The following ACER2 variants were observed in gnomAD, a reference collection of about 807,000 sequenced individuals.
The protein encoded by ACER2 is alkCDase 2.
ACER2 carries 26 observed loss-of-function variants against 34.7 expected under a neutral mutation model. That is an observed-to-expected ratio of 0.75 (90% CI 0.55 to 1.04). ACER2 has a LOEUF of 1.04. ACER2 is among the 50% of genes least tolerant of loss of function. The pLI, the probability that ACER2 is intolerant of heterozygous loss-of-function variation, is 0.00. For missense variants in ACER2, 352 were observed against 340.8 expected, an observed-to-expected ratio of 1.03 and a Z score of -0.26; for synonymous variants, 138 against 132.1, an observed-to-expected ratio of 1.04 and a Z score of -0.31.
chr9:19,451,752 G>A lies in ACER2; in HGVS notation c.*1116G>A, dbSNP rs1469748070. The A allele has an allele frequency of 1.3e-5, 2 of 152,104 alleles. No homozygotes were observed. Among genetic ancestry groups the A allele is most frequent in the African/African-American group, 4.8e-5 (2 of 41,396 alleles). 9.4% of individuals were successfully genotyped at this position (152,104 alleles called of 1,614,324 possible). A position where few individuals can be genotyped will look rare whatever the true frequency, so the allele number is the denominator to read the frequency against. ...TCCTCACAATTGTGGTGGGGGTTCTGGTTCAAAATTTGGAGCAAACATGAA... is the reference window on the plus strand; with the variant it reads ...TCCTCACAATTGTGGTGGGGGTTCTAGTTCAAAATTTGGAGCAAACATGAA... On this transcript the variant is annotated 3_prime_UTR_variant, in exon 6 of 6. Transcript: ENST00000340967.
At chr9:19,433,243 G>C (rs995925562) in intron 3 of ACER2, among the ~76,000 whole-genome samples, 2 of 147,266 alleles carry the variant, frequency 1.4e-5, no homozygotes, top group African/African-American at 5.0e-5. Context: ...TGGAGGGAAG[G>C]TCAGCAGATA....
At position 19,449,982 on chromosome 9, in the gene ACER2, A is replaced by T. The variant is rs1003230123; in HGVS notation, c.642-468A>T. The stretch of plus-strand genomic sequence containing the variant: ...TAAATTTAAAACTTTGTACAGGTAC[A>T]GTGAGGATAAATTTTTTAAAATTTC... On this transcript the variant is annotated intron_variant, in intron 5 of 5. Transcript: ENST00000340967. Among the ~76,000 whole-genome samples, 8 of 152,176 alleles carry T rather than the reference A, an allele frequency of 5.3e-5. No individual in the cohort carries two copies. In the East Asian group the frequency reaches 1.5e-3, roughly 29 times the overall value.
In ACER2 at chr9:19,450,517, G is replaced by C. The variant is rs767883587; in HGVS notation, c.709G>C (p.Glu237Gln). 25 of 1,612,386 alleles carry C rather than the reference G, an allele frequency of 1.6e-5. 1 individual carries two copies. The South Asian group carries it at 2.0e-4, about 13-fold the overall frequency. Residue 237 changes from glutamate (E) to glutamine (Q), a missense_variant, in exon 6 of 6, where the codon GAG becomes CAG. Glu to Gln is a conservative substitution (Grantham distance 29, BLOSUM62 2). Transcript: ENST00000340967. ...VCFAYFDAASEIPEQGPVIKF... is the reference protein window; with the variant it reads ...VCFAYFDAASQIPEQGPVIKF... ...CTTTGCCTACTTTGATGCTGCCTCA[G>C]AGATTCCTGAGCAAGGCCCTGTCAT...
Position 19,450,671 on chromosome 9 carries a change from C to G in ACER2, c.*35C>G. ...GGTGGCTGGCTTCTCTGCTTATCGCCCCTCATGCAGTGGGCTTCCTTTGCT... is the reference window on the plus strand; with the variant it reads ...GGTGGCTGGCTTCTCTGCTTATCGCGCCTCATGCAGTGGGCTTCCTTTGCT... On this transcript the variant is annotated 3_prime_UTR_variant, in exon 6 of 6. Transcript: ENST00000340967. 6.6e-7 allele frequency: 1 copy of G among 1,510,248 alleles called. No individual in the cohort carries two copies. Among genetic ancestry groups the G allele is most frequent in the Non-Finnish European group, 9.0e-7 (1 of 1,110,548 alleles). The allele number at this position is 1,510,248 out of a possible 1,614,324, so 93.6% of individuals were successfully genotyped here.
intron 1 of ACER2, among the ~76,000 whole-genome samples, chr9:19,416,752 C>G (rs1245106546): frequency 2.0e-5 from 3 of 151,732 alleles, no homozygotes; most frequent in Non-Finnish European, 4.4e-5. Flanking sequence ...AGGCTGGTCT[C>G]AAACTCCTGA....
intron 2 of ACER2, 49 bp downstream of exon 2, chr9:19,424,025 G>C (rs750587260): frequency 7.2e-7 from 1 of 1,388,000 alleles, no homozygotes. Flanking sequence ...GGTGGGATGG[G>C]GGTAGAAGGA....
rs181099102 is a variant in ACER2, at chr9:19,450,894, T to A, written c.*258T>A. 2.3e-3 allele frequency: 698 copies of A among 304,138 alleles called. 6 individuals carry two copies. Among genetic ancestry groups the A allele is most frequent in the African/African-American group, 0.014 (634 of 46,724 alleles). 18.8% of individuals were successfully genotyped at this position (304,138 alleles called of 1,614,324 possible). On this transcript the variant is annotated 3_prime_UTR_variant, in exon 6 of 6. Coordinates refer to ENST00000340967, the MANE Select transcript of ACER2 (RefSeq NM_001010887.3). ...TTAATATTTTTGTGCCATACTGGTT[T>A]TAAACTTTCATGTTGTCACATCTGT...
At chr9:19,421,572 T>G (rs950448532) in intron 1 of ACER2, among the ~76,000 whole-genome samples, 6 of 152,190 alleles carry the variant, frequency 3.9e-5, no homozygotes, top group Admixed American at 6.5e-5. Context: ...AAAGGCAGAT[T>G]GGTGAATGCC....
At chr9:19,417,159 C>T (rs1470394596) in intron 1 of ACER2, among the ~76,000 whole-genome samples, 1 of 151,426 alleles carries the variant, frequency 6.6e-6, no homozygotes, top group Admixed American at 6.6e-5. Context: ...AGGAATACAA[C>T]TTACAAAGGA....
chr9:19,434,352 C>G (rs1589054531), intron 3 of ACER2, among the ~76,000 whole-genome samples: 2 of 152,064 alleles, frequency 1.3e-5, no homozygotes, highest in East Asian at 3.9e-4. Context: ...AGAGACGCTC[C>G]TCACTTCCCA....
At chr9:19,420,167 C>G (rs1308461680) in intron 1 of ACER2, among the ~76,000 whole-genome samples, 1 of 152,146 alleles carries the variant, frequency 6.6e-6, no homozygotes, top group Admixed American at 6.5e-5. Flanking sequence ...TTCAGGTGCC[C>G]ACCATCATGG....
intron 3 of ACER2, among the ~76,000 whole-genome samples, chr9:19,427,150 C>T (rs1191656703): frequency 1.3e-5 from 2 of 152,120 alleles, no homozygotes. Context: ...ATTAGGTAAA[C>T]AATAGTGTTC....
In ACER2 at chr9:19,434,983, G is replaced by A. The variant is rs370515164; in HGVS notation, c.402G>A (p.Ala134=). 6.8e-6 allele frequency: 11 copies of A among 1,613,908 alleles called. No homozygotes were observed. The African/African-American group carries it at 8.0e-5, about 12-fold the overall frequency. ...AGGTGGTGGTCAGTGTCCTGTCTGC[G>A]GTTACGACGTGCCTGGCATTTGTCA... is the stretch of plus-strand genomic sequence containing the variant. The part of the protein sequence containing the change: ...RFKVVVSVLS[A]VTTCLAFVKP... Residue 134 remains alanine, a synonymous_variant, in exon 4 of 6, where the codon GCG becomes GCA. Coordinates refer to ENST00000340967, the MANE Select transcript of ACER2 (RefSeq NM_001010887.3).
At chr9:19,432,155 C>T (rs371123019) in intron 3 of ACER2, among the ~76,000 whole-genome samples, 1 of 152,144 alleles carries the variant, frequency 6.6e-6, no homozygotes, top group Non-Finnish European at 1.5e-5. Flanking sequence ...AAGATAGTAT[C>T]AATTATTTGT....
intron 1 of ACER2, among the ~76,000 whole-genome samples, chr9:19,417,779 A>G (rs1830280223): frequency 6.6e-6 from 1 of 152,256 alleles, no homozygotes; most frequent in South Asian, 2.1e-4. Flanking sequence ...AGGCTATACC[A>G]TTCAGGACAT....
intron 3 of ACER2, among the ~76,000 whole-genome samples, chr9:19,431,328 A>G (rs1232991993): frequency 1.3e-5 from 2 of 152,182 alleles, no homozygotes; most frequent in African/African-American, 4.8e-5. Flanking sequence ...CTACTAAGCA[A>G]TGGAGGCAGG....
At chr9:19,434,626 A>T (rs1025264092) in intron 3 of ACER2, among the ~76,000 whole-genome samples, 2 of 152,230 alleles carry the variant, frequency 1.3e-5, no homozygotes, top group African/African-American at 4.8e-5. Context: ...TACGAAAACC[A>T]GTCAGGTGTG....
rs188797157 is a variant in ACER2, at chr9:19,413,558, C to T, written c.108+4366C>T. Among the ~76,000 whole-genome samples the T allele has an allele frequency of 2.2e-3, 339 of 151,170 alleles. 1 individual carries two copies. Among genetic ancestry groups the T allele is most frequent in the Non-Finnish European group, 3.4e-3 (229 of 67,890 alleles). ...GAGGTTGCAGTGAGCCAAGATGAGG[C>T]CACTGCATTCCAGCCTGGGTGACAG... On this transcript the variant is annotated intron_variant, in intron 1 of 5. Coordinates refer to ENST00000340967, the MANE Select transcript of ACER2 (RefSeq NM_001010887.3).
At chr9:19,441,621 C>G (rs934397103) in intron 4 of ACER2, among the ~76,000 whole-genome samples, 1 of 152,076 alleles carries the variant, frequency 6.6e-6, no homozygotes, top group Non-Finnish European at 1.5e-5. Flanking sequence ...ATATGCTGTT[C>G]CAGGACCCTG....
Sources: allele counts gnomAD v4.1 joint callset (sites outside exome capture counted in the v4.1 genomes callset), GRCh38; gene constraint gnomAD v4.1.1; transcripts MANE v1.5; gene names NCBI Gene and HGNC (gene_info 2026-07-23, HGNC 2026-07-21).